Variants in SOX5 observed in about 807,000 individuals in gnomAD.
SOX5 encodes the protein SRY-box transcription factor 5, also known as transcription factor SOX-5.
Under a neutral mutation model 92.0 loss-of-function variants are expected in SOX5, and 9 were observed. The observed-to-expected ratio is 0.10, with a 90% CI of 0.06 to 0.17. The LOEUF is 0.17. Among genes scored for constraint, SOX5 ranks in the 10% least tolerant of loss-of-function variants. SOX5 has a pLI of 1.00. For synonymous variants in SOX5, 344 were observed against 336.3 expected, an observed-to-expected ratio of 1.02 and a Z score of -0.25; for missense variants, 642 against 944.5, an observed-to-expected ratio of 0.68 and a Z score of 4.20.
At chr12:23,737,749 C>T (rs752182756) in intron 5 of SOX5, among the ~76,000 whole-genome samples, 6 of 152,100 alleles carry the variant, frequency 3.9e-5, no homozygotes, top group East Asian at 1.9e-4. Flanking sequence ...CAAGGATGCT[C>T]CTGCCTCCCA....
At chr12:24,115,593 G>A (rs754566519) in intron 4 of SOX5, among the ~76,000 whole-genome samples, 3 of 152,180 alleles carry the variant, frequency 2.0e-5, no homozygotes, top group Non-Finnish European at 4.4e-5. Flanking sequence ...ACTAGAATAT[G>A]TGAGAAGCCA....
At chr12:23,868,589 T>C (rs1222376618) in intron 2 of SOX5, among the ~76,000 whole-genome samples, 1 of 152,104 alleles carries the variant, frequency 6.6e-6, no homozygotes, top group Non-Finnish European at 1.5e-5. Flanking sequence ...AATTGTCTGG[T>C]CTTAATTCAC....
At chr12:23,849,690 T>C (rs1050879081) in intron 2 of SOX5, among the ~76,000 whole-genome samples, 1 of 152,190 alleles carries the variant, frequency 6.6e-6, no homozygotes, top group African/African-American at 2.4e-5. Flanking sequence ...ACAAATGAGA[T>C]ATATGCATTT....
rs148551266 is a variant in SOX5, at chr12:23,833,205, T to C, written c.481+12778A>G. 5.5e-3 allele frequency among the ~76,000 whole-genome samples: 844 copies of C among 152,078 alleles called. 2 individuals are homozygous for C. Among genetic ancestry groups the C allele is most frequent in the Non-Finnish European group, 7.0e-3 (476 of 67,930 alleles). Reference sequence around the variant, plus strand: ...TACCTCTGAGGGAAGCTTGGAAGACTAGAAGGAACAGGAAAGGTCTTAACA... The same window carrying C: ...TACCTCTGAGGGAAGCTTGGAAGACCAGAAGGAACAGGAAAGGTCTTAACA... On this transcript the variant is annotated intron_variant, in intron 3 of 14. Transcript: ENST00000451604.
chr12:24,485,092 A>G (rs2137866165), intron 1 of SOX5, among the ~76,000 whole-genome samples: 1 of 152,316 alleles, frequency 6.6e-6, no homozygotes, highest in East Asian at 1.9e-4. Flanking sequence ...TGGTCTGCAC[A>G]GAAAAGTGGA....
chr12:24,378,252 C>T (rs1398803682), intron 1 of SOX5, among the ~76,000 whole-genome samples: 2 of 152,236 alleles, frequency 1.3e-5, no homozygotes, highest in East Asian at 1.9e-4. Flanking sequence ...CATTAATAAC[C>T]GGGGTCTAAA....
At chr12:24,521,621 T>C (rs1950270037) in intron 1 of SOX5, among the ~76,000 whole-genome samples, 3 of 152,122 alleles carry the variant, frequency 2.0e-5, no homozygotes, top group Admixed American at 2.0e-4. Context: ...TTTTTAATCA[T>C]AATGGAGTGA....
At position 24,030,492 on chromosome 12, in the gene SOX5, A is replaced by G. The variant is rs551059681; in HGVS notation, c.-1-134468T>C. On this transcript the variant is annotated intron_variant, in intron 4 of 4. Coordinates refer to the SOX5 transcript ENST00000446891. ...GCACTGGGGGTAACTGCATATCCATATGCAAAAGAAGGAAATTAGATCCTT... is the reference window on the plus strand; with the variant it reads ...GCACTGGGGGTAACTGCATATCCATGTGCAAAAGAAGGAAATTAGATCCTT... 3.9e-5 allele frequency among the ~76,000 whole-genome samples: 6 copies of G among 152,086 alleles called. No homozygotes were observed. In the East Asian group the frequency reaches 1.2e-3, roughly 29 times the overall value.
chr12:24,146,428 A>C (rs941660736), intron 4 of SOX5, among the ~76,000 whole-genome samples: 2 of 152,148 alleles, frequency 1.3e-5, no homozygotes, highest in Non-Finnish European at 2.9e-5. Flanking sequence ...AAAGTATCTG[A>C]ACTAAGTGAA....
chr12:23,926,982 T>C (rs1260897994), intron 1 of SOX5, among the ~76,000 whole-genome samples: 1 of 152,122 alleles, frequency 6.6e-6, no homozygotes, highest in Non-Finnish European at 1.5e-5. Context: ...TTCTTATTTG[T>C]CATGTTTACT....
At chr12:24,248,857 G>T (rs1321523596) in intron 3 of SOX5, among the ~76,000 whole-genome samples, 3 of 152,116 alleles carry the variant, frequency 2.0e-5, no homozygotes, top group Admixed American at 1.3e-4. Flanking sequence ...CTAGGTGAGT[G>T]TTGTAATAAT....
At chr12:24,247,799 C>T (rs963752822) in intron 3 of SOX5, among the ~76,000 whole-genome samples, 12 of 151,282 alleles carry the variant, frequency 7.9e-5, no homozygotes, top group Admixed American at 2.6e-4. Flanking sequence ...TACAGGTGCC[C>T]GCTACTACAC....
intron 4 of SOX5, among the ~76,000 whole-genome samples, chr12:23,960,503 ATATT>A (rs147465268): frequency 0.019 from 2,315 of 124,568 alleles, 73 homozygotes; most frequent in African/African-American, 0.06. Flanking sequence ...ATATACATAT[ATATT>A]TATATACATA....
intron 2 of SOX5, among the ~76,000 whole-genome samples, chr12:24,339,198 C>CAG (rs1319621793): frequency 4.0e-5 from 6 of 151,488 alleles, no homozygotes; most frequent in Non-Finnish European, 8.8e-5. Flanking sequence ...CACACACACA[C>CAG]ACACAGAGTT....
intron 3 of SOX5, among the ~76,000 whole-genome samples, chr12:23,770,334 C>G (rs551214034): frequency 3.6e-4 from 54 of 149,868 alleles, no homozygotes; most frequent in African/African-American, 1.3e-3. Context: ...AAAAAGAAAA[C>G]CCTGAATTAT....
intron 1 of SOX5, among the ~76,000 whole-genome samples, chr12:24,551,368 C>G (rs531817141): frequency 6.6e-6 from 1 of 152,296 alleles, no homozygotes; most frequent in East Asian, 1.9e-4. Context: ...GTAGACCTCA[C>G]TGAACGTTAA....
intron 4 of SOX5, among the ~76,000 whole-genome samples, chr12:24,199,075 G>A (rs1417541987): frequency 1.3e-5 from 2 of 152,264 alleles, no homozygotes; most frequent in Admixed American, 1.3e-4. Context: ...AAAGTTAGTC[G>A]AGGGAGAGCA....
chr12:24,538,210 G>A (rs1951809154), intron 1 of SOX5, among the ~76,000 whole-genome samples: 1 of 152,062 alleles, frequency 6.6e-6, no homozygotes, highest in African/African-American at 2.4e-5. Context: ...TAACCCAGAC[G>A]CTGAAGTGCC....
intron 4 of SOX5, among the ~76,000 whole-genome samples, chr12:24,082,753 T>C (rs751767641): frequency 1.3e-5 from 2 of 151,888 alleles, no homozygotes; most frequent in African/African-American, 4.8e-5. Flanking sequence ...TTTTTTTTCT[T>C]AGTTTTTTCT....
Sources: allele counts gnomAD v4.1 joint callset (sites outside exome capture counted in the v4.1 genomes callset), GRCh38; gene constraint gnomAD v4.1.1; transcripts MANE v1.5; gene names NCBI Gene and HGNC (gene_info 2026-07-23, HGNC 2026-07-21).